OVOL2: variants seen among roughly 807,000 people sequenced by gnomAD.
The protein encoded by OVOL2 is transcription factor Ovo-like 2.
Under a neutral mutation model 18.1 loss-of-function variants are expected in OVOL2, and 13 were observed. The ratio of observed to expected loss-of-function variants is 0.72; its 90% CI spans 0.47 to 1.14. The LOEUF is 1.14. Ranked by LOEUF, OVOL2 falls within the 50% of genes most tolerant of loss-of-function variation. OVOL2 has a pLI of 0.00. For synonymous variants in OVOL2, 166 were observed against 162.7 expected, an observed-to-expected ratio of 1.02 and a Z score of -0.16; for missense variants, 335 against 383.0, an observed-to-expected ratio of 0.87 and a Z score of 1.05.
At chr20:18,038,816 T>C (rs4814686) in intron 3 of OVOL2, among the ~76,000 whole-genome samples, 93,353 of 151,824 alleles carry the variant, frequency 0.61, 29,262 homozygotes, top group African/African-American at 0.72. Context: ...GGAGTGGTCC[T>C]GATTTCCTGC....
rs1221279588 is a variant in OVOL2 at position 18,056,888 on chromosome 20, AG to A, written c.101-12del. 6.8e-7 allele frequency: 1 copy of A among 1,478,192 alleles called. No homozygotes were observed. The highest frequency in any genetic ancestry group is 8.9e-7 in the Non-Finnish European group (1 of 1,122,572). The allele number at this position is 1,478,192 out of a possible 1,614,324, so 91.6% of individuals were successfully genotyped here. A position where few individuals can be genotyped will look rare whatever the true frequency, so the allele number is the denominator to read the frequency against. On this transcript the variant is annotated splice_polypyrimidine_tract_variant and intron_variant, in intron 1 of 3. Coordinates refer to ENST00000278780, the MANE Select transcript of OVOL2 (RefSeq NM_021220.4). This position sits in a 1 kb window ranked among gnomAD's most constrained non-coding sequence, Gnocchi z 4.2. ...GGCGGCCTAGGCCCACTGTGGAGGG[AG>A]GGGCCGCGCCCCGACACACACACTC...
rs1365100090 is a variant in OVOL2 at position 18,024,628 on chromosome 20, C to T, written c.*8G>A. Reference sequence around the variant, plus strand: ...CAGTGTGAACGTCTGTCCTCCCCTTCCTTCTCCTCACTTCCTCTCCTCCTC... The same window carrying T: ...CAGTGTGAACGTCTGTCCTCCCCTTTCTTCTCCTCACTTCCTCTCCTCCTC... On this transcript the variant is annotated 3_prime_UTR_variant, in exon 4 of 4. Coordinates refer to ENST00000278780, the MANE Select transcript of OVOL2 (RefSeq NM_021220.4). 6.3e-7 allele frequency: 1 copy of T among 1,579,120 alleles called. No individual in the cohort carries two copies. Among genetic ancestry groups the T allele is most frequent in the Non-Finnish European group, 8.6e-7 (1 of 1,159,310 alleles).
upstream of OVOL2, chr20:18,059,041 T>A (rs976375615): frequency 6.6e-6 from 1 of 152,222 alleles, no homozygotes; most frequent in African/African-American, 2.4e-5. Flanking sequence ...TGGTCAGGGA[T>A]GCCCTGGAGC....
intron 2 of OVOL2, among the ~76,000 whole-genome samples, chr20:18,051,665 C>T (rs1033566979): frequency 3.3e-5 from 5 of 152,180 alleles, no homozygotes; most frequent in African/African-American, 1.2e-4. Flanking sequence ...ATATTCTGTA[C>T]TGTCCAGTAC....
Position 18,024,724 on chromosome 20 carries a change from G to C in OVOL2, c.740C>G (p.Ser247Cys). 6.2e-7 allele frequency: 1 copy of C among 1,614,156 alleles called. No homozygotes were observed. The highest frequency in any genetic ancestry group is 1.3e-5 in the African/African-American group (1 of 75,030). Residue 247 changes from serine (S) to cysteine (C), a missense_variant, in exon 4 of 4, where the codon TCT (serine) becomes TGT (cysteine). Ser to Cys is a moderately radical substitution (Grantham distance 112, BLOSUM62 -1). Transcript: ENST00000278780. ...HPGSSFLKKT[S>C]KKLAALLQGK... ...CTGCAGAAGGGCTGCCAGTTTTTTA[G>C]ATGTCTTTTTGAGAAACGAGCTGCC...
intron 3 of OVOL2, among the ~76,000 whole-genome samples, chr20:18,034,144 G>A (rs1418382169): frequency 1.3e-5 from 2 of 152,096 alleles, no homozygotes; most frequent in African/African-American, 4.8e-5. Flanking sequence ...CCGCTTTTCT[G>A]GGTCAGTGCA....
chr20:18,047,157 G>A (rs79216698), intron 2 of OVOL2, among the ~76,000 whole-genome samples: 7,282 of 152,210 alleles, frequency 0.048, 197 homozygotes, highest in African/African-American at 0.065. Flanking sequence ...ACCTAACTTA[G>A]TTGTAGGCAA....
intron 2 of OVOL2, among the ~76,000 whole-genome samples, chr20:18,054,766 C>CAAAAAAAA (rs745367889): frequency 1.6e-4 from 10 of 63,470 alleles, no homozygotes; most frequent in African/African-American, 6.3e-4. Context: ...AACTCCATCT[C>CAAAAAAAA]AAAAAAAAAA....
At chr20:18,048,301 ATT>A in intron 2 of OVOL2, among the ~76,000 whole-genome samples, 1 of 151,968 alleles carries the variant, frequency 6.6e-6, no homozygotes, top group East Asian at 1.9e-4. Flanking sequence ...AGAAAAAAAA[ATT>A]TGTTTCCCAA....
At chr20:18,036,966 C>A (rs972130102) in intron 3 of OVOL2, among the ~76,000 whole-genome samples, 4 of 151,894 alleles carry the variant, frequency 2.6e-5, no homozygotes, top group Non-Finnish European at 2.9e-5. Flanking sequence ...GAAACCCCGT[C>A]TCTACTGAAA....
chr20:18,033,902 G>A (rs1471034874), intron 3 of OVOL2, among the ~76,000 whole-genome samples: 2 of 152,112 alleles, frequency 1.3e-5, no homozygotes, highest in Non-Finnish European at 2.9e-5. Context: ...AAATAAATCC[G>A]AAAGAATGTC....
At chr20:18,047,877 A>AAG (rs397717909) in intron 2 of OVOL2, among the ~76,000 whole-genome samples, 5 of 150,158 alleles carry the variant, frequency 3.3e-5, no homozygotes, top group Non-Finnish European at 7.4e-5. Context: ...AAAAAAAAAA[A>AAG]GAAAGAAATG....
At chr20:18,040,208 G>C (rs568101144) in intron 3 of OVOL2, among the ~76,000 whole-genome samples, 1 of 152,300 alleles carries the variant, frequency 6.6e-6, no homozygotes, top group African/African-American at 2.4e-5. Flanking sequence ...ACGAGCAGGA[G>C]CCACTGCACC....
rs995828121 is a variant in OVOL2 at position 18,057,723 on chromosome 20, C to T, written c.-89G>A. 2 of 1,459,648 alleles carry T rather than the reference C, an allele frequency of 1.4e-6. No homozygotes were observed. Among genetic ancestry groups the T allele is most frequent in the Non-Finnish European group, 1.8e-6 (2 of 1,108,642 alleles). The allele number at this position is 1,459,648 out of a possible 1,614,324, so 90.4% of individuals were successfully genotyped here. On this transcript the variant is annotated 5_prime_UTR_variant, in exon 1 of 4. Transcript: ENST00000278780. The surrounding 1 kb of genome is among the most constrained non-coding windows in gnomAD (Gnocchi z 6.3). Reference sequence around the variant, plus strand: ...CGGCGGCTCCGTCCCCGGCTCCCGGCGGCCAGAGCCCACCTTCCCGCCTCG... The same window carrying T: ...CGGCGGCTCCGTCCCCGGCTCCCGGTGGCCAGAGCCCACCTTCCCGCCTCG...
intron 3 of OVOL2, among the ~76,000 whole-genome samples, chr20:18,031,179 C>T (rs1195301576): frequency 6.6e-6 from 1 of 152,224 alleles, no homozygotes; most frequent in Non-Finnish European, 1.5e-5. Context: ...CACCGAAGAG[C>T]CAGGCTGCGG....
Position 18,057,845 on chromosome 20 carries a change from C to A in OVOL2, c.-211G>T, listed in dbSNP as rs992445557. 4.4e-6 allele frequency: 6 copies of A among 1,353,928 alleles called. No homozygotes were observed. The East Asian group carries it at 1.9e-4, about 42-fold the overall frequency. 83.9% of individuals were successfully genotyped at this position (1,353,928 alleles called of 1,614,324 possible). A position where few individuals can be genotyped will look rare whatever the true frequency, so the allele number is the denominator to read the frequency against. ...CCTCCCGGCTCGGCGACACCTATGC[C>A]TTAAATCGCGAGTGAGACCACGCCG... On this transcript the variant is annotated 5_prime_UTR_variant, in exon 1 of 4. The change creates a new upstream start codon in the 5' untranslated region. Transcript: ENST00000278780. This position sits in a 1 kb window ranked among gnomAD's most constrained non-coding sequence, Gnocchi z 6.3.
intron 3 of OVOL2, among the ~76,000 whole-genome samples, chr20:18,030,001 C>A (rs886870117): frequency 6.6e-6 from 1 of 152,024 alleles, no homozygotes; most frequent in African/African-American, 2.4e-5. Flanking sequence ...ACAAACAAAC[C>A]AACCCTCACC....
At chr20:18,053,813 C>A (rs1313600175) in intron 2 of OVOL2, among the ~76,000 whole-genome samples, 1 of 152,098 alleles carries the variant, frequency 6.6e-6, no homozygotes, top group African/African-American at 2.4e-5. Flanking sequence ...GCCCCTTCAC[C>A]ATCTCACCCT....
At chr20:18,037,150 A>AAAAAAAAAAAAAAAAAG (rs751298916) in intron 3 of OVOL2, among the ~76,000 whole-genome samples, 3 of 147,248 alleles carry the variant, frequency 2.0e-5, no homozygotes, top group African/African-American at 7.4e-5. Context: ...AAAAAAAAAA[A>AAAAAAAAAAAAAAAAAG]AAAGAAAGAA....
Sources: allele counts gnomAD v4.1 joint callset (sites outside exome capture counted in the v4.1 genomes callset), GRCh38; gene constraint gnomAD v4.1.1; non-coding constraint Gnocchi (gnomAD v3.1); transcripts MANE v1.5; gene names NCBI Gene and HGNC (gene_info 2026-07-23, HGNC 2026-07-21).